The following FAM83H variants were observed in gnomAD, a reference collection of about 807,000 sequenced individuals.
FAM83H encodes protein FAM83H.
FAM83H carries 24 observed loss-of-function variants against 30.2 expected under a neutral mutation model. That is an observed-to-expected ratio of 0.79 (90% CI 0.57 to 1.12). The LOEUF is 1.12. Among genes scored for constraint, FAM83H ranks in the 50% most tolerant of loss-of-function variants. The pLI is 0.00. For synonymous variants in FAM83H, 1,013 were observed against 821.7 expected (o/e 1.23, Z -3.98); for missense variants, 2,038 against 1,773.9 (o/e 1.15, Z -2.67).
At position 143,727,275 on chromosome 8, in the gene FAM83H, G is replaced by A. The variant is rs1818335561; in HGVS notation, c.2186C>T (p.Ala729Val). 1 of 1,535,736 alleles carries A rather than the reference G, an allele frequency of 6.5e-7. No homozygotes were observed. The highest frequency in any genetic ancestry group is 8.7e-7 in the Non-Finnish European group (1 of 1,146,716). The change falls in exon 5 of 5, where the codon GCG (alanine) becomes GTG (valine). Residue 729 changes from alanine to valine, a missense_variant. Transcript: ENST00000388913. ...LGPGGEAVRS[A>V]ASTKVAELLE... ...CAGCTCCGCCACCTTGGTGGAAGCC[G>A]CGGAGCGCACGGCCTCTCCGCCGGG...
rs1818618562 is a variant in FAM83H at position 143,733,714 on chromosome 8, G to C, written c.-39C>G. 1.3e-5 allele frequency: 2 copies of C among 149,942 alleles called. No individual in the cohort carries two copies. Among genetic ancestry groups the C allele is most frequent in the South Asian group, 2.1e-4 (1 of 4,822 alleles). The allele number at this position is 149,942 out of a possible 1,614,324, so 9.3% of individuals were successfully genotyped here. A position where few individuals can be genotyped will look rare whatever the true frequency, so the allele number is the denominator to read the frequency against. On this transcript the variant is annotated 5_prime_UTR_variant, in exon 1 of 5. Coordinates refer to ENST00000388913, the MANE Select transcript of FAM83H (RefSeq NM_198488.5). The surrounding 1 kb of genome is among the most constrained non-coding windows in gnomAD (Gnocchi z 5.6). ...ACCTGGCCAGGTGCGCGGGGTCTCG[G>C]CACAGGGGCAGCAGGAGCCGACCGC...
rs532056702 is a variant in FAM83H, at chr8:143,726,258, C to G, written c.3203G>C (p.Ser1068Thr). 6 of 1,612,258 alleles carry G rather than the reference C, an allele frequency of 3.7e-6. No homozygotes were observed. In the East Asian group the frequency reaches 1.3e-4, roughly 36 times the overall value. Residue 1068 changes from serine to threonine, a missense_variant, in exon 5 of 5, where the codon AGC becomes ACC. Ser to Thr is a moderately conservative substitution (Grantham distance 58, BLOSUM62 1). Coordinates refer to ENST00000388913, the MANE Select transcript of FAM83H (RefSeq NM_198488.5). The stretch of plus-strand genomic sequence containing the variant: ...AGCCGGTGGACGGCCTAGCTCGGGG[C>G]TGTTGTGGGTCGGGCCGGGGCTCGG... ...PAPSPGPTHNSPELGRPPAAG... is the reference protein window; with the variant it reads ...PAPSPGPTHNTPELGRPPAAG...
chr8:143,727,896 C>A lies in FAM83H; in HGVS notation c.1565G>T (p.Gly522Val). ...TCCGGGCGCGAAGGCGGGGTCCGAG[C>A]CGTGGCGCACCTCGCGGGACGCGCT... ...PSSASREVRH[G>V]SDPAFAPGPR... Residue 522 changes from glycine (G) to valine (V), a missense_variant, in exon 5 of 5, where the codon GGC becomes GTC. Physicochemically the swap from Gly to Val is moderately radical, Grantham distance 109. Coordinates refer to ENST00000388913, the MANE Select transcript of FAM83H (RefSeq NM_198488.5). 6.9e-7 allele frequency: 1 copy of A among 1,442,702 alleles called. No individual in the cohort carries two copies. Among genetic ancestry groups the A allele is most frequent in the Non-Finnish European group, 9.0e-7 (1 of 1,107,008 alleles). The allele number at this position is 1,442,702 out of a possible 1,614,324, so 89.4% of individuals were successfully genotyped here. A position where few individuals can be genotyped will look rare whatever the true frequency, so the allele number is the denominator to read the frequency against.
rs1434582023 is a variant in FAM83H, at chr8:143,728,519, G to A, written c.942C>T (p.Val314=). 1 of 1,560,488 alleles carries A rather than the reference G, an allele frequency of 6.4e-7. No homozygotes were observed. Among genetic ancestry groups the A allele is most frequent in the East Asian group, 2.4e-5 (1 of 41,656 alleles). The change falls in exon 5 of 5, where the codon GTC becomes GTT. Residue 314 remains valine, a synonymous_variant. Coordinates refer to ENST00000388913, the MANE Select transcript of FAM83H (RefSeq NM_198488.5). ...GGAAGGAGAAGGGGGTTGGCGCCCCGACCCCAGGGACGCCCACGAGAGGCC... is the reference window on the plus strand; with the variant it reads ...GGAAGGAGAAGGGGGTTGGCGCCCCAACCCCAGGGACGCCCACGAGAGGCC... ...GAGPLVGVPG[V]GAPTPFSFPK...
intron 1 of FAM83H, chr8:143,732,492 C>T (rs1213605022): frequency 6.1e-6 from 6 of 985,314 alleles, no homozygotes; most frequent in African/African-American, 5.2e-5. Context: ...GGGTACTTCC[C>T]GACACTGGGG....
rs549881150 is a variant in FAM83H at position 143,725,156 on chromosome 8, C to CGGGGGGGGGGGGGGGGGGGAG, written c.*764_*765insCTCCCCCCCCCCCCCCCCCCC. ...AAGCCCAGGCGGGGGAGGGGGGAGA[C>CGGGGGGGGGGGGGGGGGGGAG]GGGGGGGGGGGGGGGGGAGGGAAGG... On this transcript the variant is annotated 3_prime_UTR_variant, in exon 5 of 5. Transcript: ENST00000388913. 5.3e-5 allele frequency: 2 copies of CGGGGGGGGGGGGGGGGGGGAG among 37,532 alleles called. No homozygotes were observed. Among genetic ancestry groups the CGGGGGGGGGGGGGGGGGGGAG allele is most frequent in the African/African-American group, 2.7e-4 (2 of 7,310 alleles). 2.3% of individuals were successfully genotyped at this position (37,532 alleles called of 1,614,324 possible).
At chr8:143,731,409 A>C in intron 1 of FAM83H, 1 of 985,290 alleles carries the variant, frequency 1.0e-6, no homozygotes, top group Non-Finnish European at 1.2e-6. Context: ...CAGGGCTGTG[A>C]CTACCCTCCT....
rs1554622690 is a variant in FAM83H, at chr8:143,727,589, G to A, written c.1872C>T (p.Asp624=). Residue 624 remains aspartate, a synonymous_variant, in exon 5 of 5, where the codon GAC becomes GAT. Transcript: ENST00000388913. Reference sequence around the variant, plus strand: ...GGACGCGGAAGGCCGAGGGGAGCAGGTCGCCGGCAGGTGCCCGGCCCCCGG... The same window carrying A: ...GGACGCGGAAGGCCGAGGGGAGCAGATCGCCGGCAGGTGCCCGGCCCCCGG... ...LAPGGRAPAG[D]LLPSAFRVPA... is the part of the protein sequence containing the mutation. 6.3e-7 allele frequency: 1 copy of A among 1,584,526 alleles called. No individual in the cohort carries two copies. Among genetic ancestry groups the A allele is most frequent in the Non-Finnish European group, 8.5e-7 (1 of 1,172,276 alleles).
intron 1 of FAM83H, chr8:143,731,721 C>T: frequency 1.0e-6 from 1 of 985,486 alleles, no homozygotes; most frequent in Non-Finnish European, 1.2e-6. Context: ...TGCTCAGAGT[C>T]CTGTCCCCAC....
intron 2 of FAM83H, among the ~76,000 whole-genome samples, chr8:143,729,648 G>A (rs1387324096): frequency 1.3e-5 from 2 of 152,222 alleles, no homozygotes; most frequent in Non-Finnish European, 2.9e-5. Context: ...CCCCATTCCA[G>A]GGCAGCTGTC....
chr8:143,728,920 CAGG>C, intron 4 of FAM83H, 44 bp downstream of exon 4: 1 of 1,612,492 alleles, frequency 6.2e-7, no homozygotes, highest in Non-Finnish European at 8.5e-7. Flanking sequence ...GCTGGGGTTA[CAGG>C]AGGAGGCCCC....
rs781915067 is a variant in FAM83H, at chr8:143,727,603, C to T, written c.1858G>A (p.Ala620Thr). ...GAGGGGAGCAGGTCGCCGGCAGGTG[C>T]CCGGCCCCCGGGAGCCAGCACGTCG... ...EDDVLAPGGR[A>T]PAGDLLPSAF... Residue 620 changes from alanine (A) to threonine (T), a missense_variant, in exon 5 of 5, where the codon GCA becomes ACA. By Grantham distance (58) the Ala-to-Thr change is moderately conservative. Transcript: ENST00000388913. 1 of 1,579,264 alleles carries T rather than the reference C, an allele frequency of 6.3e-7. No homozygotes were observed. The highest frequency in any genetic ancestry group is 8.5e-7 in the Non-Finnish European group (1 of 1,169,648).
Position 143,725,831 on chromosome 8 carries a change from C to A in FAM83H, c.*90G>T, listed in dbSNP as rs1419681996. On this transcript the variant is annotated 3_prime_UTR_variant, in exon 5 of 5. Transcript: ENST00000388913. Reference sequence around the variant, plus strand: ...CGTGGCCTGACAGCCGCTGCTCAAGCAGATGAGCAGGGCTCTCTGTTCCGC... The same window carrying A: ...CGTGGCCTGACAGCCGCTGCTCAAGAAGATGAGCAGGGCTCTCTGTTCCGC... 1.5e-5 allele frequency: 23 copies of A among 1,559,290 alleles called. No individual in the cohort carries two copies. In the African/African-American group the frequency reaches 2.8e-4, roughly 19 times the overall value.
In FAM83H at chr8:143,727,105, G is replaced by A. The variant is rs546809055; in HGVS notation, c.2356C>T (p.Leu786Phe). Residue 786 changes from leucine to phenylalanine, a missense_variant, in exon 5 of 5, where the codon CTC becomes TTC. Coordinates refer to ENST00000388913, the MANE Select transcript of FAM83H (RefSeq NM_198488.5). ...PGAVGGERRS[L>F]ESCLLDLRDS... ...CGCAGGTCCAGCAGGCAGCTCTCGA[G>A]GCTGCGGCGCTCGCCCCCCACGGCA... 3 of 1,537,222 alleles carry A rather than the reference G, an allele frequency of 2.0e-6. No individual in the cohort carries two copies. The highest frequency in any genetic ancestry group is 2.6e-6 in the Non-Finnish European group (3 of 1,147,822).
In FAM83H at chr8:143,733,571, C is replaced by T. The variant is rs1474011853; in HGVS notation, c.-16+120G>A. 6.6e-6 allele frequency: 1 copy of T among 151,630 alleles called. No individual in the cohort carries two copies. The highest frequency in any genetic ancestry group is 1.5e-5 in the Non-Finnish European group (1 of 67,882). The allele number at this position is 151,630 out of a possible 1,614,324, so 9.4% of individuals were successfully genotyped here. ...CGCGCTCCACTCCCACCGCCCCTCT[C>T]TGGGTCGCGCGGCCCCGGCCCAGGT... is the stretch of plus-strand genomic sequence containing the variant. On this transcript the variant is annotated intron_variant, in intron 1 of 4. Transcript: ENST00000388913. This position sits in a 1 kb window ranked among gnomAD's most constrained non-coding sequence, Gnocchi z 5.6.
intron 1 of FAM83H, chr8:143,732,366 T>A: frequency 1.0e-6 from 1 of 985,098 alleles, no homozygotes; most frequent in Non-Finnish European, 1.2e-6. Context: ...CACATGGGGG[T>A]GAGGTGTAGG....
rs782183458 is a variant in FAM83H, at chr8:143,727,153, G to C, written c.2308C>G (p.Arg770Gly). 2.5e-5 allele frequency: 38 copies of C among 1,534,524 alleles called. No individual in the cohort carries two copies. The highest frequency in any genetic ancestry group is 3.2e-5 in the Non-Finnish European group (37 of 1,146,220). ...GCACCTGGGGCCGCCACCTCTTCCC[G>C]CCACGCCTGGGACACGACGGCCTTG... The part of the protein sequence containing the change: ...HSKAVVSQAW[R>G]EEVAAPGAVG... Residue 770 changes from arginine (R) to glycine (G), a missense_variant, in exon 5 of 5, where the codon CGG becomes GGG. Arg to Gly is a moderately radical substitution (Grantham distance 125, BLOSUM62 -2). Coordinates refer to ENST00000388913, the MANE Select transcript of FAM83H (RefSeq NM_198488.5).
At position 143,730,531 on chromosome 8, in the gene FAM83H, C is replaced by T. The variant is rs192243687; in HGVS notation, c.52G>A (p.Gly18Arg). 88 of 1,576,752 alleles carry T rather than the reference C, an allele frequency of 5.6e-5. No individual in the cohort carries two copies. The East Asian group carries it at 1.8e-3, about 32-fold the overall frequency. ...TCTTTGTAGTGAGGCGGCAGGTACC[C>T]GGGTGCCAGTGGGTTGTCCCCCTGC... ...SSQGDNPLAP[G>R]YLPPHYKEYY... is the part of the protein sequence containing the mutation. Residue 18 changes from glycine to arginine, a missense_variant, in exon 2 of 5, where the codon GGG becomes AGG. Physicochemically the swap from Gly to Arg is moderately radical, Grantham distance 125 (BLOSUM62 -2). Transcript: ENST00000388913.
In FAM83H at chr8:143,727,298, G is replaced by A. The variant is rs577110382; in HGVS notation, c.2163C>T (p.Pro721=). The part of the protein sequence containing the change: ...KEQTVSETLG[P]GGEAVRSAAS... ...CCGCGGAGCGCACGGCCTCTCCGCC[G>A]GGCCCCAGCGTCTCGCTGACCGTCT... is the stretch of plus-strand genomic sequence containing the variant. The change falls in exon 5 of 5, where the codon CCC becomes CCT. Residue 721 remains proline (P), a synonymous_variant. Transcript: ENST00000388913. 10 of 1,539,352 alleles carry A rather than the reference G, an allele frequency of 6.5e-6. No individual in the cohort carries two copies. The Admixed American group carries it at 1.2e-4, about 18-fold the overall frequency.
Sources: allele counts gnomAD v4.1 joint callset (sites outside exome capture counted in the v4.1 genomes callset), GRCh38; gene constraint gnomAD v4.1.1; non-coding constraint Gnocchi (gnomAD v3.1); transcripts MANE v1.5; gene names NCBI Gene and HGNC (gene_info 2026-07-23, HGNC 2026-07-21).